The following MAGI1 variants were observed in gnomAD, a reference collection of about 807,000 sequenced individuals.
MAGI1 encodes membrane associated guanylate kinase, WW and PDZ domain containing 1.
A neutral mutation model predicts 139.9 loss-of-function variants in MAGI1; 58 were observed. The ratio of observed to expected loss-of-function variants is 0.41; its 90% CI spans 0.34 to 0.52. The LOEUF (loss-of-function observed/expected upper bound fraction) is 0.52. Ranked by LOEUF, MAGI1 falls within the 20% of genes least tolerant of loss-of-function variation. MAGI1 has a pLI of 0.12. For missense variants in MAGI1, 1,874 were observed against 1,901.6 expected (o/e 0.99, Z 0.27); for synonymous variants, 812 against 737.9 (o/e 1.10, Z -1.63).
intron 2 of MAGI1, among the ~76,000 whole-genome samples, chr3:65,554,028 C>T (rs1349596869): frequency 6.6e-6 from 1 of 152,050 alleles, no homozygotes; most frequent in Non-Finnish European, 1.5e-5. Flanking sequence ...ATTTTTTTCT[C>T]CTAATCAACC....
intron 2 of MAGI1, among the ~76,000 whole-genome samples, chr3:65,600,274 C>G (rs1250518674): frequency 6.6e-6 from 1 of 152,112 alleles, no homozygotes; most frequent in Non-Finnish European, 1.5e-5. Context: ...AAGAAGGGAA[C>G]TTTTATTCAA....
chr3:65,933,107 G>T (rs539367994), intron 1 of MAGI1, among the ~76,000 whole-genome samples: 101 of 152,346 alleles, frequency 6.6e-4, no homozygotes, highest in African/African-American at 2.3e-3. Context: ...ATGGCTGAAA[G>T]AACCTGTTCC....
intron 1 of MAGI1, among the ~76,000 whole-genome samples, chr3:65,622,583 A>C (rs1383242621): frequency 6.6e-6 from 1 of 151,968 alleles, no homozygotes; most frequent in East Asian, 1.9e-4. Context: ...TTATTTTTTG[A>C]AACGGAGTCT....
At chr3:65,684,053 A>C (rs2107526965) in intron 1 of MAGI1, among the ~76,000 whole-genome samples, 1 of 151,190 alleles carries the variant, frequency 6.6e-6, no homozygotes, top group African/African-American at 2.4e-5. Flanking sequence ...ATACAGCTAT[A>C]GTCCCAGCTA....
intron 13 of MAGI1, among the ~76,000 whole-genome samples, chr3:65,396,824 C>T (rs1944428599): frequency 6.6e-6 from 1 of 152,170 alleles, no homozygotes; most frequent in African/African-American, 2.4e-5. Flanking sequence ...CAAGCCAGTG[C>T]AGAGGATGGT....
intron 1 of MAGI1, among the ~76,000 whole-genome samples, chr3:65,762,457 A>G (rs922847528): frequency 6.7e-6 from 1 of 148,908 alleles, no homozygotes; most frequent in Non-Finnish European, 1.5e-5. Context: ...GGGAAGGCGG[A>G]AAAAAAAAAC....
chr3:65,916,669 G>A (rs1360673879), intron 1 of MAGI1, among the ~76,000 whole-genome samples: 1 of 152,000 alleles, frequency 6.6e-6, no homozygotes, highest in East Asian at 1.9e-4. Context: ...GATTTGGGTG[G>A]GGACACAGCC....
intron 1 of MAGI1, among the ~76,000 whole-genome samples, chr3:65,787,387 G>GT (rs887398826): frequency 6.6e-6 from 1 of 151,592 alleles, no homozygotes; most frequent in African/African-American, 2.4e-5. Flanking sequence ...TTCCTCTGCC[G>GT]TTTTTTTAGT....
At chr3:65,576,668 T>C (rs1303953240) in intron 2 of MAGI1, among the ~76,000 whole-genome samples, 1 of 152,220 alleles carries the variant, frequency 6.6e-6, no homozygotes, top group Non-Finnish European at 1.5e-5. Context: ...AACGGTTTCC[T>C]TTAAGAGCCA....
chr3:65,463,558 A>ATGTGTGTGTGTGTG lies in MAGI1; in HGVS notation c.959+6711_959+6724dup, dbSNP rs56135171. Reference sequence around the variant, plus strand: ...TGTTCATCAGGGATATTGGCCTGAAATGTGTGTGTGTGTGTGTGTGTGTGT... The same window carrying ATGTGTGTGTGTGTG: ...TGTTCATCAGGGATATTGGCCTGAAATGTGTGTGTGTGTGTGTGTGTGTGTGTGTGTGTGTGTGT... On this transcript the variant is annotated intron_variant, in intron 5 of 22. Transcript: ENST00000402939. Among the ~76,000 whole-genome samples the ATGTGTGTGTGTGTG allele has an allele frequency of 1.2e-3, 163 of 140,834 alleles. 3 individuals carry two copies. The highest frequency in any genetic ancestry group is 7.2e-3 in the Middle Eastern group (2 of 278). 92.4% of individuals were successfully genotyped at this position (140,834 alleles called of 152,430 possible). A position where few individuals can be genotyped will look rare whatever the true frequency, so the allele number is the denominator to read the frequency against.
At chr3:65,495,851 T>C (rs1054803178) in intron 2 of MAGI1, among the ~76,000 whole-genome samples, 1 of 151,862 alleles carries the variant, frequency 6.6e-6, no homozygotes, top group Non-Finnish European at 1.5e-5. Context: ...GATACGGGTG[T>C]GATCTGGTGT....
chr3:65,514,756 C>G (rs892982680), intron 2 of MAGI1, among the ~76,000 whole-genome samples: 4 of 116,756 alleles, frequency 3.4e-5, no homozygotes, highest in Admixed American at 9.2e-5. Flanking sequence ...TGTGGCGATT[C>G]CTCAGGGATC....
In MAGI1 at chr3:65,355,091, C is replaced by T. The variant is rs1386605304; in HGVS notation, c.*1287G>A. 2.6e-5 allele frequency: 4 copies of T among 152,578 alleles called. No homozygotes were observed. In the East Asian group the frequency reaches 5.8e-4, roughly 22 times the overall value. The allele number at this position is 152,578 out of a possible 1,614,324, so 9.5% of individuals were successfully genotyped here. A position where few individuals can be genotyped will look rare whatever the true frequency, so the allele number is the denominator to read the frequency against. On this transcript the variant is annotated 3_prime_UTR_variant, in exon 23 of 23. Transcript: ENST00000402939. Reference sequence around the variant, plus strand: ...AGGCAGTAATCCACTTAAACCACATCCCGGGGCTACGGCCGACCCAACCAC... The same window carrying T: ...AGGCAGTAATCCACTTAAACCACATTCCGGGGCTACGGCCGACCCAACCAC...
chr3:65,627,278 G>C (rs1159993991), intron 1 of MAGI1, among the ~76,000 whole-genome samples: 1 of 152,056 alleles, frequency 6.6e-6, no homozygotes, highest in Non-Finnish European at 1.5e-5. Context: ...GTTTATGTAA[G>C]TGCACTCTAT....
At chr3:65,826,648 A>G (rs976842898) in intron 1 of MAGI1, among the ~76,000 whole-genome samples, 1 of 152,222 alleles carries the variant, frequency 6.6e-6, no homozygotes, top group African/African-American at 2.4e-5. Flanking sequence ...GACCAGCCTG[A>G]CATTTATCAG....
intron 12 of MAGI1, among the ~76,000 whole-genome samples, chr3:65,428,007 A>T (rs1947182977): frequency 6.6e-6 from 1 of 152,194 alleles, no homozygotes; most frequent in Non-Finnish European, 1.5e-5. Flanking sequence ...AAATTTGCAC[A>T]ATGCCTTTTA....
chr3:65,635,261 C>T (rs1005163381), intron 1 of MAGI1, among the ~76,000 whole-genome samples: 7 of 152,144 alleles, frequency 4.6e-5, no homozygotes, highest in East Asian at 1.9e-4. Context: ...GATGGGATTT[C>T]ACCATGTCAG....
At chr3:65,833,428 T>G (rs2042637264) in intron 1 of MAGI1, among the ~76,000 whole-genome samples, 1 of 152,142 alleles carries the variant, frequency 6.6e-6, no homozygotes, top group East Asian at 1.9e-4. Flanking sequence ...CTAGGTCTAC[T>G]GAACTTCTAA....
intron 10 of MAGI1, 111 bp from the exon 11 acceptor site, chr3:65,430,992 T>C: frequency 9.9e-7 from 1 of 1,006,948 alleles, no homozygotes; most frequent in Non-Finnish European, 1.5e-6. Context: ...CCTAGAGCCT[T>C]TGGGCATATA....
Sources: allele counts gnomAD v4.1 joint callset (sites outside exome capture counted in the v4.1 genomes callset), GRCh38; gene constraint gnomAD v4.1.1; transcripts MANE v1.5; gene names NCBI Gene and HGNC (gene_info 2026-07-23, HGNC 2026-07-21).